Variants in DIAPH1 observed in about 807,000 individuals in gnomAD.
The protein encoded by DIAPH1 is diaphanous related formin 1.
DIAPH1 carries 46 observed loss-of-function variants against 140.7 expected under a neutral mutation model. The observed-to-expected ratio is 0.33, with a 90% confidence interval of 0.26 to 0.42. The LOEUF (loss-of-function observed/expected upper bound fraction) is 0.42. Among genes scored for constraint, DIAPH1 ranks in the 10% least tolerant of loss-of-function variants. The probability of loss-of-function intolerance (pLI) is 1.00; values close to 1 mark genes in which losing one functional copy is unlikely to be tolerated. For missense variants in DIAPH1, 1,310 were observed against 1,558.7 expected, an observed-to-expected ratio of 0.84 and a Z score of 2.69; for synonymous variants, 565 against 551.6, an observed-to-expected ratio of 1.02 and a Z score of -0.34.
chr5:141,540,321 C>T (rs771944826), intron 18 of DIAPH1, among the ~76,000 whole-genome samples: 2 of 151,378 alleles, frequency 1.3e-5, no homozygotes, highest in Non-Finnish European at 2.9e-5. Flanking sequence ...CTCGCTATAT[C>T]GCCCAGGCTA....
At chr5:141,551,087 A>C (rs1359534955) in intron 18 of DIAPH1, among the ~76,000 whole-genome samples, 2 of 152,224 alleles carry the variant, frequency 1.3e-5, no homozygotes, top group Non-Finnish European at 2.9e-5. Flanking sequence ...GGTAGATTAA[A>C]TAACAGTATT....
intron 16 of DIAPH1, among the ~76,000 whole-genome samples, chr5:141,573,256 G>A (rs1475866834): frequency 6.6e-6 from 1 of 151,806 alleles, no homozygotes; most frequent in Non-Finnish European, 1.5e-5. Context: ...CTAACACGGT[G>A]AAATCCCGTC....
intron 24 of DIAPH1, 86 bp from the exon 25 acceptor site, chr5:141,526,547 T>C: frequency 6.5e-7 from 1 of 1,537,954 alleles, no homozygotes; most frequent in Non-Finnish European, 9.0e-7. Flanking sequence ...AGATGAGTAC[T>C]GGCATGCAAA....
intron 1 of DIAPH1, among the ~76,000 whole-genome samples, chr5:141,598,690 TAAC>T (rs200103640): frequency 8.4e-4 from 128 of 152,220 alleles, no homozygotes; most frequent in African/African-American, 3.0e-3. Context: ...TTATAGTTTA[TAAC>T]AACAACAACA....
intron 3 of DIAPH1, among the ~76,000 whole-genome samples, 184 bp downstream of exon 3, chr5:141,586,858 T>C (rs1403805963): frequency 6.6e-6 from 1 of 152,234 alleles, no homozygotes; most frequent in Non-Finnish European, 1.5e-5. Context: ...GATTCCAATT[T>C]TATGAACTGG....
Position 141,516,829 on chromosome 5 carries a change from T to C in DIAPH1, c.*22A>G, listed in dbSNP as rs768757611. ...ACAGTCTGCGGCTCCGCTGAGGAGC[T>C]GCCGCGGTCACAGGACCCACATTAG... On this transcript the variant is annotated 3_prime_UTR_variant, in exon 28 of 28. Coordinates refer to ENST00000389054, the MANE Select transcript of DIAPH1 (RefSeq NM_005219.5). 2 of 1,613,582 alleles carry C rather than the reference T, an allele frequency of 1.2e-6. No individual in the cohort carries two copies. The highest frequency in any genetic ancestry group is 2.2e-5 in the East Asian group (1 of 44,888).
chr5:141,575,414 C>T (rs889471893), intron 14 of DIAPH1, among the ~76,000 whole-genome samples: 4 of 152,110 alleles, frequency 2.6e-5, no homozygotes, highest in African/African-American at 9.7e-5. Flanking sequence ...TTCGGGAGGC[C>T]GAGGCAGGTG....
At chr5:141,540,283 G>C (rs1041684265) in intron 18 of DIAPH1, among the ~76,000 whole-genome samples, 3 of 150,670 alleles carry the variant, frequency 2.0e-5, no homozygotes, top group African/African-American at 7.4e-5. Context: ...ACCATGCCTG[G>C]CTAATTTTTT....
At chr5:141,525,986 A>G (rs2099887279) in intron 26 of DIAPH1, 52 bp downstream of exon 26, 2 of 1,611,472 alleles carry the variant, frequency 1.2e-6, no homozygotes. Context: ...CTAGGCAGAG[A>G]AGTCTTCCCA....
intron 8 of DIAPH1, among the ~76,000 whole-genome samples, chr5:141,579,642 T>C (rs535170275): frequency 1.3e-5 from 2 of 152,198 alleles, no homozygotes; most frequent in South Asian, 4.1e-4. Context: ...GATAGTGAAA[T>C]CTGCTTTAAA....
Position 141,516,844 on chromosome 5 carries a change from A to G in DIAPH1, c.*7T>C, listed in dbSNP as rs771342017. ...GCTGAGGAGCTGCCGCGGTCACAGG[A>G]CCCACATTAGCTTGCACGGCCAACC... On this transcript the variant is annotated 3_prime_UTR_variant, in exon 28 of 28. Transcript: ENST00000389054. The G allele has an allele frequency of 6.2e-7, 1 of 1,613,852 alleles. No individual in the cohort carries two copies. Among genetic ancestry groups the G allele is most frequent in the Non-Finnish European group, 8.5e-7 (1 of 1,180,026 alleles).
chr5:141,601,112 G>T (rs978157755), intron 1 of DIAPH1, among the ~76,000 whole-genome samples: 1 of 151,990 alleles, frequency 6.6e-6, no homozygotes, highest in South Asian at 2.1e-4. Context: ...AGCATTAGGA[G>T]ATACACCTAA....
At chr5:141,534,663 T>G (rs1329636950) in intron 18 of DIAPH1, among the ~76,000 whole-genome samples, 2 of 152,232 alleles carry the variant, frequency 1.3e-5, no homozygotes, top group Non-Finnish European at 2.9e-5. Context: ...TCAGTAATGC[T>G]TTCCTACCTA....
chr5:141,591,695 G>GAGATATATATATATATATATATAT (rs1212743856), intron 1 of DIAPH1, among the ~76,000 whole-genome samples: 16 of 86,322 alleles, frequency 1.9e-4, no homozygotes, highest in African/African-American at 6.9e-4. Context: ...GGGAGATGGG[G>GAGATATATATATATATATATATAT]ATATATATAT....
chr5:141,583,796 C>T (rs1174799332), intron 4 of DIAPH1, among the ~76,000 whole-genome samples, 181 bp from the exon 5 acceptor site: 1 of 152,166 alleles, frequency 6.6e-6, no homozygotes, highest in African/African-American at 2.4e-5. Flanking sequence ...CTGCCTCAGC[C>T]TCCCAAAGTG....
At chr5:141,534,487 T>A in intron 18 of DIAPH1, 54 bp from the exon 19 acceptor site, 1 of 1,439,082 alleles carries the variant, frequency 6.9e-7, no homozygotes, top group Non-Finnish European at 9.8e-7. Flanking sequence ...CCTCTGTGCT[T>A]TACCAAGCAA....
At chr5:141,548,668 T>C (rs1406695817) in intron 18 of DIAPH1, among the ~76,000 whole-genome samples, 1 of 152,046 alleles carries the variant, frequency 6.6e-6, no homozygotes, top group Non-Finnish European at 1.5e-5. Context: ...TTAGCAAGCA[T>C]GGTGATGTGT....
At chr5:141,520,806 A>G (rs1011946762) in intron 27 of DIAPH1, among the ~76,000 whole-genome samples, 5 of 152,174 alleles carry the variant, frequency 3.3e-5, no homozygotes, top group Non-Finnish European at 5.9e-5. Context: ...TCAATCACGC[A>G]GGCTGAGGGG....
At chr5:141,558,015 T>C (rs1424672225) in intron 18 of DIAPH1, among the ~76,000 whole-genome samples, 2 of 152,200 alleles carry the variant, frequency 1.3e-5, no homozygotes, top group East Asian at 1.9e-4. Context: ...TGCCAGACAG[T>C]AAAGCGAAGG....
Sources: gnomAD v4.1 joint callset for allele counts (sites outside exome capture counted in the v4.1 genomes callset) on GRCh38, gnomAD v4.1.1 for gene constraint, MANE v1.5 for transcripts, NCBI Gene and HGNC (gene_info 2026-07-23, HGNC 2026-07-21) for gene names.